UBE3D: variants seen among roughly 807,000 people sequenced by gnomAD.
UBE3D encodes the protein E3 ubiquitin-protein ligase E3D.
UBE3D carries 48 observed loss-of-function variants against 49.6 expected under a neutral mutation model. That is an observed-to-expected ratio of 0.97 (90% confidence interval 0.77 to 1.23). UBE3D has a LOEUF of 1.23. Among genes scored for constraint, UBE3D ranks in the 50% most tolerant of loss-of-function variants. UBE3D has a pLI of 0.00. For missense variants in UBE3D, 452 were observed against 468.4 expected (o/e 0.96, Z 0.32); for synonymous variants, 189 against 174.2 (o/e 1.08, Z -0.67).
intron 8 of UBE3D, among the ~76,000 whole-genome samples, chr6:82,983,014 G>T (rs971529710): frequency 6.6e-6 from 1 of 151,702 alleles, no homozygotes; most frequent in Non-Finnish European, 1.5e-5. Flanking sequence ...TTTAAACAGG[G>T]TCTCACTCTG....
intron 8 of UBE3D, among the ~76,000 whole-genome samples, chr6:82,959,390 A>T (rs1413691242): frequency 6.6e-6 from 1 of 151,698 alleles, no homozygotes; most frequent in Non-Finnish European, 1.5e-5. Context: ...TAGTACCACC[A>T]GCCCGCAAAC....
At chr6:83,037,598 TAAAC>T (rs1019640504) in intron 5 of UBE3D, 13 of 151,868 alleles carry the variant, frequency 8.6e-5, no homozygotes, top group African/African-American at 2.9e-4. Context: ...AACAAACAAA[TAAAC>T]AAAAAATACC....
At chr6:83,001,160 A>G (rs1779607802) in intron 8 of UBE3D, among the ~76,000 whole-genome samples, 1 of 152,132 alleles carries the variant, frequency 6.6e-6, no homozygotes, top group South Asian at 2.1e-4. Flanking sequence ...TCAGTTCTTC[A>G]TGGACTCCTA....
chr6:82,999,474 T>C (rs1320909578), intron 8 of UBE3D, among the ~76,000 whole-genome samples: 1 of 152,194 alleles, frequency 6.6e-6, no homozygotes, highest in Non-Finnish European at 1.5e-5. Context: ...AACCTCTGCC[T>C]CTTGGGTTCA....
chr6:83,063,824 C>T (rs1321038601), intron 1 of UBE3D, among the ~76,000 whole-genome samples: 6 of 152,060 alleles, frequency 3.9e-5, no homozygotes, highest in Non-Finnish European at 8.8e-5. Flanking sequence ...AACTGTTTGG[C>T]AATTTCTCAC....
chr6:82,979,590 A>G (rs960952104), intron 8 of UBE3D, among the ~76,000 whole-genome samples: 2 of 152,148 alleles, frequency 1.3e-5, no homozygotes, highest in Non-Finnish European at 1.5e-5. Flanking sequence ...GTTTCTTCCA[A>G]TACTGATTTC....
intron 4 of UBE3D, among the ~76,000 whole-genome samples, chr6:83,043,468 T>C (rs1482971428): frequency 6.6e-6 from 1 of 152,218 alleles, no homozygotes; most frequent in Non-Finnish European, 1.5e-5. Flanking sequence ...AAGGGATTTC[T>C]GTTTACAGTG....
chr6:83,010,112 C>A (rs1780239590), intron 8 of UBE3D, among the ~76,000 whole-genome samples: 1 of 151,792 alleles, frequency 6.6e-6, no homozygotes. Context: ...TTCCTTGTTC[C>A]AGTGAACAGT....
intron 9 of UBE3D, among the ~76,000 whole-genome samples, chr6:82,947,514 CTTTTCT>C (rs1377458604): frequency 9.4e-6 from 1 of 106,396 alleles, no homozygotes; most frequent in Admixed American, 9.1e-5. Context: ...TTTTTAATTT[CTTTTCT>C]TTTCTTTTCT....
At chr6:82,945,554 G>A (rs1775340160) in intron 9 of UBE3D, among the ~76,000 whole-genome samples, 1 of 152,152 alleles carries the variant, frequency 6.6e-6, no homozygotes, top group Admixed American at 6.5e-5. Context: ...AGCCCATGAT[G>A]TGAAGACTAC....
chr6:82,924,730 T>G (rs1010772112), intron 9 of UBE3D: 5 of 152,206 alleles, frequency 3.3e-5, no homozygotes, highest in African/African-American at 1.2e-4. Flanking sequence ...TTAAAATTTT[T>G]TCATCCATTT....
intron 8 of UBE3D, among the ~76,000 whole-genome samples, chr6:82,991,126 TC>T (rs1368649041): frequency 6.6e-6 from 1 of 152,144 alleles, no homozygotes; most frequent in Non-Finnish European, 1.5e-5. Flanking sequence ...AGCTGGATTC[TC>T]ACAGAAGGAG....
chr6:82,969,738 A>C (rs1777213286), intron 8 of UBE3D, among the ~76,000 whole-genome samples: 1 of 152,170 alleles, frequency 6.6e-6, no homozygotes, highest in South Asian at 2.1e-4. Flanking sequence ...AATATCATAA[A>C]AGTGTCAATG....
intron 1 of UBE3D, among the ~76,000 whole-genome samples, chr6:83,058,923 T>C (rs1783989553): frequency 6.6e-6 from 1 of 152,230 alleles, no homozygotes; most frequent in African/African-American, 2.4e-5. Flanking sequence ...AAAAGTTCAA[T>C]TTCAAGAAAT....
chr6:82,948,448 A>G (rs190025109), intron 9 of UBE3D, among the ~76,000 whole-genome samples: 7 of 152,106 alleles, frequency 4.6e-5, no homozygotes, highest in African/African-American at 1.4e-4. Flanking sequence ...AAGAAGAACT[A>G]ATACCACTTC....
chr6:82,964,323 T>C (rs959728743), intron 8 of UBE3D, among the ~76,000 whole-genome samples: 1 of 152,154 alleles, frequency 6.6e-6, no homozygotes, highest in Non-Finnish European at 1.5e-5. Flanking sequence ...CTAGGAAACA[T>C]GGAGGTCGTT....
intron 8 of UBE3D, among the ~76,000 whole-genome samples, chr6:82,963,744 C>T (rs1776716688): frequency 6.6e-6 from 1 of 152,150 alleles, no homozygotes; most frequent in Non-Finnish European, 1.5e-5. Flanking sequence ...CCTTCACAGA[C>T]ACACCCTCAC....
At chr6:83,014,916 A>G (rs1780590361) in intron 8 of UBE3D, among the ~76,000 whole-genome samples, 1 of 152,176 alleles carries the variant, frequency 6.6e-6, no homozygotes, top group Non-Finnish European at 1.5e-5. Flanking sequence ...TAAATTAAGT[A>G]GGAATGCAGT....
intron 8 of UBE3D, among the ~76,000 whole-genome samples, chr6:83,005,363 T>C (rs1779899301): frequency 6.6e-6 from 1 of 151,658 alleles, no homozygotes; most frequent in Non-Finnish European, 1.5e-5. Flanking sequence ...GAAACTGGAC[T>C]GCTTGTGTAC....
Sources: gnomAD v4.1 joint callset for allele counts (sites outside exome capture counted in the v4.1 genomes callset) on GRCh38, gnomAD v4.1.1 for gene constraint, MANE v1.5 for transcripts, NCBI Gene and HGNC (gene_info 2026-07-23, HGNC 2026-07-21) for gene names.